The following ARHGAP24 variants were observed in gnomAD, a reference collection of about 807,000 sequenced individuals.
ARHGAP24 encodes the protein Rho GTPase activating protein 24.
ARHGAP24 carries 50 observed loss-of-function variants against 76.4 expected under a neutral mutation model. The observed-to-expected ratio is 0.65, with a 90% CI of 0.52 to 0.83. The LOEUF is 0.83. Among genes scored for constraint, ARHGAP24 ranks in the 40% least tolerant of loss-of-function variants. The probability of loss-of-function intolerance (pLI) is 0.00; values close to 1 mark genes in which losing one functional copy is unlikely to be tolerated. For missense variants in ARHGAP24, 930 were observed against 914.2 expected (o/e 1.02, Z -0.22); for synonymous variants, 345 against 323.3 (o/e 1.07, Z -0.72).
chr4:85,973,754 T>C (rs1431996177), intron 6 of ARHGAP24, among the ~76,000 whole-genome samples: 1 of 151,718 alleles, frequency 6.6e-6, no homozygotes, highest in South Asian at 2.1e-4. Context: ...TATACAATTG[T>C]CCCAGCACTG....
At chr4:85,746,818 AT>A (rs372198312) in intron 3 of ARHGAP24, among the ~76,000 whole-genome samples, 2 of 151,430 alleles carry the variant, frequency 1.3e-5, no homozygotes, top group African/African-American at 2.4e-5. Context: ...TGCCTGGCTA[AT>A]TTTTTTTGTA....
intron 2 of ARHGAP24, among the ~76,000 whole-genome samples, chr4:85,692,053 T>A (rs1723682648): frequency 6.6e-6 from 1 of 152,200 alleles, no homozygotes. Context: ...GATTTGCTTG[T>A]CTAAAAAGGA....
At chr4:85,669,061 C>T (rs572371309) in intron 2 of ARHGAP24, among the ~76,000 whole-genome samples, 1 of 152,186 alleles carries the variant, frequency 6.6e-6, no homozygotes, top group East Asian at 1.9e-4. Flanking sequence ...TATCGCATTA[C>T]TGAGTGACAG....
At chr4:85,950,235 G>A (rs1282424280) in intron 5 of ARHGAP24, among the ~76,000 whole-genome samples, 2 of 152,120 alleles carry the variant, frequency 1.3e-5, no homozygotes, top group African/African-American at 2.4e-5. Flanking sequence ...GCTTATGCCT[G>A]TAATCCCAGC....
chr4:85,775,426 G>T (rs1727277123), intron 3 of ARHGAP24, among the ~76,000 whole-genome samples: 1 of 152,148 alleles, frequency 6.6e-6, no homozygotes, highest in African/African-American at 2.4e-5. Context: ...TGGCTAGGGA[G>T]GCCTCACAAT....
chr4:85,922,236 C>G (rs1270308312), intron 3 of ARHGAP24, among the ~76,000 whole-genome samples: 1 of 152,190 alleles, frequency 6.6e-6, no homozygotes, highest in Non-Finnish European at 1.5e-5. Flanking sequence ...GACTTATCAC[C>G]TGTTCCAAAA....
intron 1 of ARHGAP24, among the ~76,000 whole-genome samples, chr4:85,539,487 C>A (rs1560524886): frequency 1.3e-5 from 2 of 151,976 alleles, no homozygotes; most frequent in Non-Finnish European, 2.9e-5. Flanking sequence ...TGGTCATAAT[C>A]TATAAAACAA....
intron 3 of ARHGAP24, among the ~76,000 whole-genome samples, chr4:85,751,532 T>G (rs17010756): frequency 0.038 from 5,753 of 152,286 alleles, 328 homozygotes; most frequent in African/African-American, 0.13. Flanking sequence ...TGCCAAATGT[T>G]TTTCCAAAGC....
chr4:85,485,347 C>CAAAAAAA lies in ARHGAP24; in HGVS notation c.-21+9812_-21+9818dup, dbSNP rs1157207535. Among the ~76,000 whole-genome samples, 2 of 6,726 alleles carry CAAAAAAA rather than the reference C, an allele frequency of 3.0e-4. 1 individual carries two copies. Among genetic ancestry groups the CAAAAAAA allele is most frequent in the Non-Finnish European group, 5.8e-4 (2 of 3,460 alleles). The allele number at this position is 6,726 out of a possible 152,430, so 4.4% of individuals were successfully genotyped here. ...TGGGTGACAGAGCAAGACTCCATCTCAAAAAAAAAAAAAAAAAAAAAAAAA... is the reference window on the plus strand; with the variant it reads ...TGGGTGACAGAGCAAGACTCCATCTCAAAAAAAAAAAAAAAAAAAAAAAAAAAAAAAA... On this transcript the variant is annotated intron_variant, in intron 1 of 9. Coordinates refer to ENST00000395184, the MANE Select transcript of ARHGAP24 (RefSeq NM_001025616.3).
At chr4:85,930,682 G>T in intron 4 of ARHGAP24, 1 of 1,110,684 alleles carries the variant, frequency 9.0e-7, no homozygotes, top group Non-Finnish European at 1.1e-6. Context: ...TTAAAAAAAA[G>T]AAAAAAAAAA....
intron 2 of ARHGAP24, among the ~76,000 whole-genome samples, chr4:85,649,167 A>G (rs969227901): frequency 1.3e-5 from 2 of 152,114 alleles, no homozygotes; most frequent in African/African-American, 4.8e-5. Flanking sequence ...AGTATTTACC[A>G]AACATTTAAT....
At chr4:85,990,439 A>G (rs906638074) in intron 8 of ARHGAP24, 1 of 151,890 alleles carries the variant, frequency 6.6e-6, no homozygotes, top group Non-Finnish European at 1.5e-5. Flanking sequence ...CAATCTGATT[A>G]TAAGTTTTAC....
rs114584358 is a variant in ARHGAP24, at chr4:85,642,152, A to T, written c.180+71431A>T. Among the ~76,000 whole-genome samples, 1,273 of 152,190 alleles carry T rather than the reference A, an allele frequency of 8.4e-3. 20 individuals carry two copies. Among genetic ancestry groups the T allele is most frequent in the African/African-American group, 0.029 (1,215 of 41,528 alleles). On this transcript the variant is annotated intron_variant, in intron 2 of 9. Coordinates refer to ENST00000395184, the MANE Select transcript of ARHGAP24 (RefSeq NM_001025616.3). ...CAGCCAGCTCCCAAGACAGAAAAAC[A>T]GGGGAAGACTCCAGCCTTGGAAAGA...
At chr4:85,563,272 T>C (rs1451191293) in intron 1 of ARHGAP24, among the ~76,000 whole-genome samples, 1 of 152,190 alleles carries the variant, frequency 6.6e-6, no homozygotes, top group Non-Finnish European at 1.5e-5. Context: ...CAGGCTTCCA[T>C]AGCAAGATAC....
intron 2 of ARHGAP24, among the ~76,000 whole-genome samples, chr4:85,660,445 G>A (rs1436377919): frequency 6.6e-6 from 1 of 152,052 alleles, no homozygotes; most frequent in East Asian, 1.9e-4. Context: ...AGATGTTCAG[G>A]GCTACAGTAC....
At chr4:85,606,552 T>G (rs1720203761) in intron 2 of ARHGAP24, among the ~76,000 whole-genome samples, 1 of 152,044 alleles carries the variant, frequency 6.6e-6, no homozygotes. Context: ...AGATAAAGAT[T>G]TTTTAAGATC....
In ARHGAP24 at chr4:85,890,788, G is replaced by A. The variant is rs186987176; in HGVS notation, c.269-32860G>A. 5.4e-4 allele frequency among the ~76,000 whole-genome samples: 82 copies of A among 152,210 alleles called. 1 individual carries two copies. The highest frequency in any genetic ancestry group is 6.8e-3 in the Middle Eastern group (2 of 294). On this transcript the variant is annotated intron_variant, in intron 3 of 9. Transcript: ENST00000395184. ...CAACTGGGGACCTTATCCTCTCTGA[G>A]GATGAATTGTTTTGAAAGATTTTTA...
intron 2 of ARHGAP24, among the ~76,000 whole-genome samples, chr4:85,592,202 G>A (rs1728142843): frequency 6.6e-6 from 1 of 152,002 alleles, no homozygotes; most frequent in Admixed American, 6.6e-5. Flanking sequence ...AGATTTATAG[G>A]GTACATGAGC....
At chr4:85,604,833 C>G (rs569604347) in intron 2 of ARHGAP24, among the ~76,000 whole-genome samples, 1 of 152,152 alleles carries the variant, frequency 6.6e-6, no homozygotes, top group East Asian at 1.9e-4. Context: ...CCACATTGGC[C>G]TCCCAAAGTG....
Sources: allele counts gnomAD v4.1 joint callset (sites outside exome capture counted in the v4.1 genomes callset), GRCh38; gene constraint gnomAD v4.1.1; transcripts MANE v1.5; gene names NCBI Gene and HGNC (gene_info 2026-07-23, HGNC 2026-07-21).